The following MAP3K2 variants were observed in gnomAD, a reference collection of about 807,000 sequenced individuals.
The protein encoded by MAP3K2 is MAP/ERK kinase kinase 2.
A neutral mutation model predicts 80.3 loss-of-function variants in MAP3K2; 24 were observed. That is an observed-to-expected ratio of 0.30 (90% CI 0.22 to 0.42). The LOEUF (loss-of-function observed/expected upper bound fraction) is 0.42, where lower values mean the gene tolerates loss of function less well. Among genes scored for constraint, MAP3K2 ranks in the 10% least tolerant of loss-of-function variants. The pLI, the probability that MAP3K2 is intolerant of heterozygous loss-of-function variation, is 1.00. For missense variants in MAP3K2, 608 were observed against 750.1 expected (o/e 0.81, Z 2.21); for synonymous variants, 244 against 253.7 (o/e 0.96, Z 0.36).
intron 12 of MAP3K2, among the ~76,000 whole-genome samples, chr2:127,318,698 G>T (rs1381162586): frequency 6.6e-6 from 1 of 152,162 alleles, no homozygotes; most frequent in African/African-American, 2.4e-5. Context: ...TAGAAAGCTG[G>T]AAAGAGTATC....
At chr2:127,388,048 A>C (rs1172102475), upstream of MAP3K2, 7 of 981,540 alleles carry the variant, frequency 7.1e-6, no homozygotes, top group Non-Finnish European at 8.4e-6. Flanking sequence ...CGGTAGCGGA[A>C]CCCGCCGCGG....
At chr2:127,363,373 G>A (rs1686921777) in intron 1 of MAP3K2, among the ~76,000 whole-genome samples, 1 of 152,118 alleles carries the variant, frequency 6.6e-6, no homozygotes, top group South Asian at 2.1e-4. Context: ...TCCAAAGTAA[G>A]CAGAATTTAT....
intron 14 of MAP3K2, among the ~76,000 whole-genome samples, chr2:127,316,149 G>T (rs1386271241): frequency 1.4e-5 from 2 of 144,750 alleles, no homozygotes; most frequent in East Asian, 4.3e-4. Flanking sequence ...GAGGCAGGCG[G>T]GATCACCTGA....
rs1371845950 is a variant in MAP3K2 at position 127,310,260 on chromosome 2, G to A, written c.1457-1498C>T. The stretch of plus-strand genomic sequence containing the variant: ...TTCTTGCTTTCTGGCATTTGAAGAT[G>A]CTCCAGGCTCATCTTGTATATTTCC... On this transcript the variant is annotated intron_variant, in intron 15 of 16. Transcript: ENST00000682094. The surrounding 1 kb of genome is among the most constrained non-coding windows in gnomAD (Gnocchi z 4.8). 6.6e-6 allele frequency among the ~76,000 whole-genome samples: 1 copy of A among 151,974 alleles called. No homozygotes were observed. The highest frequency in any genetic ancestry group is 6.6e-5 in the Admixed American group (1 of 15,240).
At position 127,308,761 on chromosome 2, in the gene MAP3K2, G is replaced by A. The variant is rs750197875; in HGVS notation, c.1458C>T (p.Gly486=). 1.2e-5 allele frequency: 20 copies of A among 1,611,656 alleles called. No homozygotes were observed. Among genetic ancestry groups the A allele is most frequent in the East Asian group, 4.5e-5 (2 of 44,852 alleles). The change falls in exon 16 of 17, where the codon GGC becomes GGT. Residue 486 remains glycine (G), a splice_region_variant and synonymous_variant. Transcript: ENST00000682094. ...SNMIVHRDIK[G]ANILRDSTGN... ...CTGTTGAATCTCGCAGGATATTTGC[G>A]CCTAAAAATAAGACATTGCCTCATT...
intron 12 of MAP3K2, among the ~76,000 whole-genome samples, chr2:127,319,246 A>C (rs1451438692): frequency 4.6e-5 from 7 of 151,874 alleles, no homozygotes; most frequent in African/African-American, 1.5e-4. Flanking sequence ...AAAAAAAAAA[A>C]AAAAAAAACC....
At position 127,318,338 on chromosome 2, in the gene MAP3K2, A is replaced by AC. The variant is rs760827251; in HGVS notation, c.1046-22_1046-21insG. ...AGGTGCTGAAAAAGAACACTTTCTT[A>AC]AAGTGAAATATCAAACAGCACACAA... is the stretch of plus-strand genomic sequence containing the variant. On this transcript the variant is annotated intron_variant, in intron 12 of 16. Transcript: ENST00000682094. The AC allele has an allele frequency of 1.9e-6, 3 of 1,554,436 alleles. No individual in the cohort carries two copies. The South Asian group carries it at 3.8e-5, about 20-fold the overall frequency.
In MAP3K2 at chr2:127,375,892, G is replaced by C. The variant is rs572224294; in HGVS notation, c.-66+11560C>G. 4.0e-5 allele frequency among the ~76,000 whole-genome samples: 6 copies of C among 151,804 alleles called. No homozygotes were observed. In the South Asian group the frequency reaches 1.2e-3, roughly 32 times the overall value. On this transcript the variant is annotated intron_variant, in intron 1 of 16. Coordinates refer to ENST00000682094, the MANE Select transcript of MAP3K2 (RefSeq NM_001371910.2). ...AACTGAACTGCTGAGTAACAATATA[G>C]GTCACTCCTTGATTGGAAAAAAAAA...
chr2:127,307,429 C>T lies in MAP3K2; in HGVS notation c.*150G>A. 2.3e-6 allele frequency: 1 copy of T among 439,072 alleles called. No homozygotes were observed. The allele number at this position is 439,072 out of a possible 1,614,324, so 27.2% of individuals were successfully genotyped here. ...AATTTAGGATATTATTATTATTAAA[C>T]AAATTTAACCAAGAATCAAGAGAAA... On this transcript the variant is annotated 3_prime_UTR_variant, in exon 17 of 17. Transcript: ENST00000682094. The surrounding 1 kb of genome is among the most constrained non-coding windows in gnomAD (Gnocchi z 5.4).
chr2:127,317,033 A>G (rs1241536524), intron 14 of MAP3K2: 1 of 150,546 alleles, frequency 6.6e-6, no homozygotes, highest in Non-Finnish European at 1.5e-5. Flanking sequence ...ATGCTACTAG[A>G]GAAATCCATG....
At position 127,322,634 on chromosome 2, in the gene MAP3K2, C is replaced by T. The variant is rs1363292833; in HGVS notation, c.839-382G>A. 1.3e-5 allele frequency among the ~76,000 whole-genome samples: 2 copies of T among 152,112 alleles called. No individual in the cohort carries two copies. The highest frequency in any genetic ancestry group is 2.9e-5 in the Non-Finnish European group (2 of 68,022). ...TTGAGATGGAGTTTCACTCTTGTTGCCCAGGCTGGAGTGCAGTGGTACAAT... is the reference window on the plus strand; with the variant it reads ...TTGAGATGGAGTTTCACTCTTGTTGTCCAGGCTGGAGTGCAGTGGTACAAT... On this transcript the variant is annotated intron_variant, in intron 11 of 16. Coordinates refer to ENST00000682094, the MANE Select transcript of MAP3K2 (RefSeq NM_001371910.2). The surrounding 1 kb of genome is among the most constrained non-coding windows in gnomAD (Gnocchi z 4.2).
At chr2:127,365,250 CCT>C (rs1686952666) in intron 1 of MAP3K2, among the ~76,000 whole-genome samples, 1 of 150,300 alleles carries the variant, frequency 6.7e-6, no homozygotes, top group African/African-American at 2.4e-5. Context: ...TTATCATTTC[CCT>C]GTTTCACAGA....
chr2:127,341,343 T>C (rs944094973), intron 2 of MAP3K2, among the ~76,000 whole-genome samples: 3 of 151,698 alleles, frequency 2.0e-5, no homozygotes, highest in Non-Finnish European at 4.4e-5. Context: ...CCGTTTTCTG[T>C]TATATATGTA....
chr2:127,330,607 C>CT (rs1686236391), intron 5 of MAP3K2, 102 bp from the exon 6 acceptor site: 2 of 562,186 alleles, frequency 3.6e-6, no homozygotes, highest in Non-Finnish European at 6.3e-6. Context: ...ATACCTTGCT[C>CT]TTTGATTTGT....
intron 1 of MAP3K2, among the ~76,000 whole-genome samples, chr2:127,353,370 G>C (rs1223391572): frequency 2.6e-5 from 4 of 151,076 alleles, no homozygotes; most frequent in African/African-American, 4.9e-5. Flanking sequence ...GCGAGGTGAG[G>C]AGCATCTCCG....
At chr2:127,387,995 A>G (rs1028233446), upstream of MAP3K2, 2 of 983,436 alleles carry the variant, frequency 2.0e-6, no homozygotes, top group Non-Finnish European at 2.4e-6. Context: ...AGCGCGGCGC[A>G]CGTCACGGCC....
In MAP3K2 at chr2:127,339,732, C is replaced by A. The variant is rs1686441025; in HGVS notation, c.5-682G>T. Among the ~76,000 whole-genome samples the A allele has an allele frequency of 6.6e-6, 1 of 152,134 alleles. No individual in the cohort carries two copies. Among genetic ancestry groups the A allele is most frequent in the South Asian group, 2.1e-4 (1 of 4,834 alleles). On this transcript the variant is annotated intron_variant, in intron 2 of 16. Transcript: ENST00000682094. The surrounding 1 kb of genome is among the most constrained non-coding windows in gnomAD (Gnocchi z 4.2). Reference sequence around the variant, plus strand: ...GAACTTTTAGACTCTTATAAATATACCAAAGATTTCCTTCTGAGACTAAAA... The same window carrying A: ...GAACTTTTAGACTCTTATAAATATAACAAAGATTTCCTTCTGAGACTAAAA...
At chr2:127,384,179 G>A (rs1374942986) in intron 1 of MAP3K2, among the ~76,000 whole-genome samples, 2 of 150,564 alleles carry the variant, frequency 1.3e-5, no homozygotes, top group Non-Finnish European at 1.5e-5. Flanking sequence ...ACAGGCGTGA[G>A]CCACCGTGCC....
chr2:127,353,501 G>A (rs995649156), intron 1 of MAP3K2, among the ~76,000 whole-genome samples: 6 of 150,842 alleles, frequency 4.0e-5, no homozygotes, highest in African/African-American at 7.3e-5. Flanking sequence ...CCCTCCGCCC[G>A]GCAGCCGCCC....
Sources: gnomAD v4.1 joint callset for allele counts (sites outside exome capture counted in the v4.1 genomes callset) on GRCh38, gnomAD v4.1.1 for gene constraint, Gnocchi (gnomAD v3.1) non-coding constraint, MANE v1.5 for transcripts, NCBI Gene and HGNC (gene_info 2026-07-23, HGNC 2026-07-21) for gene names.